Variants in NGLY1 observed in about 807,000 individuals in gnomAD.
NGLY1 encodes the protein peptide-N(4)-(N-acetyl-beta-glucosaminyl)asparagine amidase.
NGLY1 carries 68 observed loss-of-function variants against 84.6 expected under a neutral mutation model. The ratio of observed to expected loss-of-function variants is 0.80; its 90% CI spans 0.66 to 0.98. The LOEUF (loss-of-function observed/expected upper bound fraction) is 0.98. Ranked by LOEUF, NGLY1 falls within the 50% of genes least tolerant of loss-of-function variation. NGLY1 has a pLI of 0.00. For missense variants in NGLY1, 779 were observed against 770.2 expected (o/e 1.01, Z -0.14); for synonymous variants, 280 against 275.2 (o/e 1.02, Z -0.17).
intron 4 of NGLY1, among the ~76,000 whole-genome samples, chr3:25,746,149 TAC>T (rs930902634): frequency 2.6e-5 from 4 of 152,212 alleles, no homozygotes; most frequent in Non-Finnish European, 5.9e-5. Context: ...CACCCTACCC[TAC>T]ACACAGTCTA....
At chr3:25,779,308 A>AT (rs1389159029) in intron 1 of NGLY1, among the ~76,000 whole-genome samples, 4 of 152,180 alleles carry the variant, frequency 2.6e-5, no homozygotes, top group Non-Finnish European at 5.9e-5. Flanking sequence ...CATAATTAAG[A>AT]TTTTGAATAG....
chr3:25,768,873 T>G (rs1707754104), intron 2 of NGLY1, among the ~76,000 whole-genome samples: 1 of 151,770 alleles, frequency 6.6e-6, no homozygotes, highest in African/African-American at 2.4e-5. Flanking sequence ...CACAGGCAAC[T>G]AAAGCAAAAA....
intron 2 of NGLY1, among the ~76,000 whole-genome samples, chr3:25,769,084 C>T (rs1042162327): frequency 6.6e-5 from 10 of 151,958 alleles, no homozygotes; most frequent in South Asian, 2.1e-4. Flanking sequence ...AAGAGGCCGG[C>T]GCATTGGCTC....
In NGLY1 at chr3:25,764,211, G is replaced by C. The variant is rs907852687; in HGVS notation, c.347C>G (p.Ser116Ter). Residue 116 changes from serine (S) to a stop codon, truncating the protein, a stop_gained, in exon 3 of 12, where the codon TCA becomes TGA. Transcript: ENST00000280700. LOFTEE classifies it high-confidence loss of function. ...TGACTTTACTTTGTGGCTCTTATTT[G>C]AGCCATCCAGTCTGCTACTTCTCTC... ...AIERSSRLDG[S>*]NKSHKVKSSQ... The C allele has an allele frequency of 1.2e-6, 2 of 1,614,040 alleles. No homozygotes were observed. Among genetic ancestry groups the C allele is most frequent in the Non-Finnish European group, 8.5e-7 (1 of 1,180,012 alleles).
intron 3 of NGLY1, among the ~76,000 whole-genome samples, chr3:25,760,281 T>C (rs1380746924): frequency 1.3e-5 from 2 of 152,146 alleles, no homozygotes; most frequent in South Asian, 2.1e-4. Flanking sequence ...TATGTATGTG[T>C]GTGTGTATGT....
intron 10 of NGLY1, among the ~76,000 whole-genome samples, chr3:25,722,274 C>CACACATATAT (rs145856271): frequency 1.1e-4 from 17 of 148,622 alleles, no homozygotes; most frequent in Non-Finnish European, 1.5e-4. Context: ...TGTATACACA[C>CACACATATAT]ATATATATAT....
At chr3:25,779,458 G>A (rs1478271009) in intron 1 of NGLY1, among the ~76,000 whole-genome samples, 1 of 152,150 alleles carries the variant, frequency 6.6e-6, no homozygotes, top group Non-Finnish European at 1.5e-5. Context: ...AAGACCCTCA[G>A]AACATAGTTT....
intron 1 of NGLY1, among the ~76,000 whole-genome samples, chr3:25,780,040 T>A (rs766872552): frequency 6.6e-6 from 1 of 152,254 alleles, no homozygotes; most frequent in Non-Finnish European, 1.5e-5. Flanking sequence ...GATATTGCCA[T>A]GAAATTTTCA....
rs865992943 is a variant in NGLY1 at position 25,734,201 on chromosome 3, G to C, written c.1150-219C>G. On this transcript the variant is annotated intron_variant, in intron 7 of 11. Transcript: ENST00000280700. Reference sequence around the variant, plus strand: ...GTATCTCAGCCTCCTGAGTAGCTGGGACTATAGGCATGCACCATCACGCCT... The same window carrying C: ...GTATCTCAGCCTCCTGAGTAGCTGGCACTATAGGCATGCACCATCACGCCT... The C allele has an allele frequency of 1.5e-4, 69 of 458,380 alleles. 1 individual carries two copies. Among genetic ancestry groups the C allele is most frequent in the South Asian group, 1.0e-3 (35 of 34,408 alleles). The allele number at this position is 458,380 out of a possible 1,614,324, so 28.4% of individuals were successfully genotyped here.
intron 3 of NGLY1, chr3:25,755,502 C>A: frequency 6.9e-7 from 1 of 1,458,968 alleles, no homozygotes; most frequent in South Asian, 1.1e-5. Context: ...TCGGTCCACA[C>A]CTGTCAAACC....
chr3:25,775,980 T>C (rs931584277), intron 2 of NGLY1, among the ~76,000 whole-genome samples: 1 of 152,274 alleles, frequency 6.6e-6, no homozygotes, highest in Non-Finnish European at 1.5e-5. Flanking sequence ...ACAACTATTA[T>C]GTATTCATAT....
chr3:25,744,842 T>G (rs77841591), intron 4 of NGLY1, among the ~76,000 whole-genome samples: 8 of 152,156 alleles, frequency 5.3e-5, no homozygotes, highest in African/African-American at 1.9e-4. Flanking sequence ...AGCAGCCATT[T>G]TGGACTACAA....
rs1370451609 is a variant in NGLY1 at position 25,729,208 on chromosome 3, T to G, written c.1536A>C (p.Gln512His). Residue 512 changes from glutamine (Q) to histidine (H), a missense_variant, in exon 10 of 12, where the codon CAA becomes CAC. Coordinates refer to ENST00000280700, the MANE Select transcript of NGLY1 (RefSeq NM_018297.4). ...CGCCATTCTCCCATCCAGAAATGGTTTGATTGTTATTTGAAACTCGAACAT... is the reference window on the plus strand; with the variant it reads ...CGCCATTCTCCCATCCAGAAATGGTGTGATTGTTATTTGAAACTCGAACAT... The part of the protein sequence containing the change: ...DRYVRVSNNN[Q>H]TISGWENGVW... 1.9e-6 allele frequency: 3 copies of G among 1,569,632 alleles called. No homozygotes were observed. The highest frequency in any genetic ancestry group is 2.4e-5 in the South Asian group (2 of 84,092).
At chr3:25,749,901 C>T in intron 4 of NGLY1, 1 of 776,248 alleles carries the variant, frequency 1.3e-6, no homozygotes, top group South Asian at 1.5e-5. Context: ...GAGTAGACAG[C>T]TCATGTGCAT....
chr3:25,754,969 T>G, intron 3 of NGLY1: 1 of 764,656 alleles, frequency 1.3e-6, no homozygotes, highest in South Asian at 1.5e-5. Flanking sequence ...CTCCTAGGGA[T>G]GCCTTGGTGA....
chr3:25,785,087 T>A (rs1468181020), upstream of NGLY1, among the ~76,000 whole-genome samples: 1 of 148,860 alleles, frequency 6.7e-6, no homozygotes, highest in Non-Finnish European at 1.5e-5. Flanking sequence ...ATGGGCATGG[T>A]TATGTTCTAG....
At chr3:25,767,750 T>C (rs76234833) in intron 2 of NGLY1, among the ~76,000 whole-genome samples, 5,757 of 152,282 alleles carry the variant, frequency 0.038, 368 homozygotes, top group African/African-American at 0.13. Flanking sequence ...CTGGGAAAGT[T>C]AGATATCCAT....
upstream of NGLY1, among the ~76,000 whole-genome samples, chr3:25,788,132 T>TAGAGGTATGG (rs1575674423): frequency 4.6e-5 from 7 of 152,330 alleles, no homozygotes; most frequent in East Asian, 1.3e-3. Flanking sequence ...GCAAGAGCCA[T>TAGAGGTATGG]ACCTCTACTC....
rs181184101 is a variant in NGLY1, at chr3:25,752,323, A to G, written c.493-1060T>C. ...CTGCAACCTCTGCCTCCTGGGTTCA[A>G]GTGATTCTCCTCCCTCAGCTTTCTG... is the stretch of plus-strand genomic sequence containing the variant. On this transcript the variant is annotated intron_variant, in intron 3 of 11. Transcript: ENST00000280700. 2.2e-3 allele frequency among the ~76,000 whole-genome samples: 338 copies of G among 152,128 alleles called. 1 individual carries two copies. Among genetic ancestry groups the G allele is most frequent in the South Asian group, 4.2e-3 (20 of 4,810 alleles).
Sources: allele counts gnomAD v4.1 joint callset (sites outside exome capture counted in the v4.1 genomes callset), GRCh38; gene constraint gnomAD v4.1.1; transcripts MANE v1.5; gene names NCBI Gene and HGNC (gene_info 2026-07-23, HGNC 2026-07-21).